Variants in BAZ1A observed in about 807,000 individuals in gnomAD.
The protein encoded by BAZ1A is bromodomain adjacent to zinc finger domain protein 1A.
A neutral mutation model predicts 185.2 loss-of-function variants in BAZ1A; 50 were observed. That is an observed-to-expected ratio of 0.27 (90% CI 0.22 to 0.34). BAZ1A has a LOEUF of 0.34. Ranked by LOEUF, BAZ1A falls within the 10% of genes least tolerant of loss-of-function variation. The pLI, the probability that BAZ1A is intolerant of heterozygous loss-of-function variation, is 1.00. For synonymous variants in BAZ1A, 571 were observed against 615.6 expected (o/e 0.93, Z 1.07); for missense variants, 1,356 against 1,839.9 (o/e 0.74, Z 4.81).
chr14:34,843,677 T>C (rs994858392), intron 3 of BAZ1A, among the ~76,000 whole-genome samples: 7 of 152,190 alleles, frequency 4.6e-5, no homozygotes, highest in Admixed American at 4.6e-4. Context: ...CATATAAATA[T>C]AGCTATTTTT....
Position 34,874,823 on chromosome 14 carries a change from G to A in BAZ1A, c.-58-161C>T, listed in dbSNP as rs909109408. ...TCGTTCCTGCCGCTGCCCGGGTGTC[G>A]AGCGAGCGGAGCCGCCGCCGCCCCT... On this transcript the variant is annotated intron_variant, in intron 1 of 26. Coordinates refer to ENST00000360310, the MANE Select transcript of BAZ1A (RefSeq NM_013448.3). The surrounding 1 kb of genome is among the most constrained non-coding windows in gnomAD (Gnocchi z 4.7). 8.7e-6 allele frequency: 4 copies of A among 458,948 alleles called. No individual in the cohort carries two copies. Among genetic ancestry groups the A allele is most frequent in the African/African-American group, 4.2e-5 (2 of 47,680 alleles). The allele number at this position is 458,948 out of a possible 1,614,324, so 28.4% of individuals were successfully genotyped here.
intron 2 of BAZ1A, among the ~76,000 whole-genome samples, chr14:34,862,807 G>A (rs2042790635): frequency 6.6e-6 from 1 of 150,640 alleles, no homozygotes; most frequent in African/African-American, 2.4e-5. Context: ...GAGGAAAAGA[G>A]AAAAAGGAAA....
In BAZ1A at chr14:34,874,267, C is replaced by G; in HGVS notation, c.113+225G>C. 2.0e-6 allele frequency: 1 copy of G among 511,512 alleles called. No homozygotes were observed. Among genetic ancestry groups the G allele is most frequent in the Non-Finnish European group, 3.5e-6 (1 of 288,200 alleles). 31.7% of individuals were successfully genotyped at this position (511,512 alleles called of 1,614,324 possible). ...CCGAGGCCGGCCAGGGACCCAGCCT[C>G]CTCCGCCACTACCAACCCGCGTTCC... On this transcript the variant is annotated intron_variant, in intron 2 of 26. Transcript: ENST00000360310. The surrounding 1 kb of genome is among the most constrained non-coding windows in gnomAD (Gnocchi z 4.7).
chr14:34,780,374 ATTGC>A (rs1439357982), intron 16 of BAZ1A, 64 bp from the exon 17 acceptor site: 30 of 1,512,970 alleles, frequency 2.0e-5, no homozygotes, highest in African/African-American at 4.2e-5. Flanking sequence ...TGAAATATTT[ATTGC>A]TTGCTTATGA....
chr14:34,855,124 C>T (rs2042656215), intron 3 of BAZ1A, among the ~76,000 whole-genome samples: 1 of 152,054 alleles, frequency 6.6e-6, no homozygotes, highest in Non-Finnish European at 1.5e-5. Context: ...TTAAGTTTAG[C>T]CTAATGCTGC....
intron 4 of BAZ1A, among the ~76,000 whole-genome samples, chr14:34,819,290 A>G (rs1234676735): frequency 6.6e-6 from 1 of 152,006 alleles, no homozygotes; most frequent in Non-Finnish European, 1.5e-5. Flanking sequence ...TCCCCCATGG[A>G]TATGGGAGCA....
At chr14:34,786,314 G>A (rs989000003) in intron 12 of BAZ1A, 93 bp from the exon 13 acceptor site, 53 of 1,175,214 alleles carry the variant, frequency 4.5e-5, no homozygotes, top group South Asian at 4.4e-5. Flanking sequence ...AACAGCAAAC[G>A]CCTTAACATT....
chr14:34,843,924 G>A (rs984647630), intron 3 of BAZ1A, among the ~76,000 whole-genome samples: 7 of 152,078 alleles, frequency 4.6e-5, no homozygotes, highest in African/African-American at 1.2e-4. Flanking sequence ...GTTTAAACAC[G>A]GCCGGGCGCG....
chr14:34,775,850 C>G, intron 18 of BAZ1A, 69 bp downstream of exon 18: 1 of 1,327,554 alleles, frequency 7.5e-7, no homozygotes, highest in East Asian at 2.3e-5. Flanking sequence ...TGCAAAAACG[C>G]TTAATCCTGA....
Position 34,866,961 on chromosome 14 carries a change from T to TA in BAZ1A, c.114-4640dup, listed in dbSNP as rs10635851. ...AAGATACTTTACTTACATTCTTCTT[T>TA]AAAAAAAAAAAAAATCCGCCGGGCA... On this transcript the variant is annotated intron_variant, in intron 2 of 26. Coordinates refer to ENST00000360310, the MANE Select transcript of BAZ1A (RefSeq NM_013448.3). Among the ~76,000 whole-genome samples the TA allele has an allele frequency of 9.3e-3, 1,371 of 148,106 alleles. 20 individuals carry two copies. Among genetic ancestry groups the TA allele is most frequent in the African/African-American group, 0.023 (940 of 40,384 alleles).
rs780287749 is a variant in BAZ1A, at chr14:34,759,171, G to GTT, written c.4244-327_4244-326dup. Among the ~76,000 whole-genome samples, 225 of 66,468 alleles carry GTT rather than the reference G, an allele frequency of 3.4e-3. 42 individuals are homozygous for GTT. Among genetic ancestry groups the GTT allele is most frequent in the East Asian group, 0.023 (37 of 1,622 alleles). The allele number at this position is 66,468 out of a possible 152,430, so 43.6% of individuals were successfully genotyped here. A position where few individuals can be genotyped will look rare whatever the true frequency, so the allele number is the denominator to read the frequency against. On this transcript the variant is annotated intron_variant, in intron 24 of 26. Transcript: ENST00000360310. ...TTATTAAAAATACTTTACAGCTACA[G>GTT]TTTTTTTTTTTTTTTTTTTTTTTTT... is the stretch of plus-strand genomic sequence containing the variant.
At chr14:34,864,586 T>C (rs1285826553) in intron 2 of BAZ1A, among the ~76,000 whole-genome samples, 1 of 151,786 alleles carries the variant, frequency 6.6e-6, no homozygotes, top group Non-Finnish European at 1.5e-5. Flanking sequence ...GTTCAAGTGA[T>C]TCTCCTGCCT....
intron 3 of BAZ1A, among the ~76,000 whole-genome samples, chr14:34,832,791 T>C (rs4982222): frequency 0.3 from 44,915 of 151,956 alleles, 6,894 homozygotes; most frequent in Admixed American, 0.39. Context: ...ACAATTATCA[T>C]ATAGCCCAGT....
chr14:34,842,149 T>C (rs2042424640), intron 3 of BAZ1A, among the ~76,000 whole-genome samples: 1 of 152,094 alleles, frequency 6.6e-6, no homozygotes, highest in Non-Finnish European at 1.5e-5. Context: ...GAATGGATTA[T>C]ATAAAATTTG....
At chr14:34,824,416 AAAAAAAAAAAAG>A (rs1161346330) in intron 4 of BAZ1A, among the ~76,000 whole-genome samples, 1 of 148,152 alleles carries the variant, frequency 6.7e-6, no homozygotes. Context: ...CTCAAAAAAA[AAAAAAAAAAAAG>A]AAGAGATGTA....
At chr14:34,861,202 C>G (rs2042764033) in intron 3 of BAZ1A, among the ~76,000 whole-genome samples, 1 of 151,842 alleles carries the variant, frequency 6.6e-6, no homozygotes, top group South Asian at 2.1e-4. Context: ...CAGTTAATAC[C>G]TAAAGTCAAG....
chr14:34,837,202 G>A (rs2042344301), intron 3 of BAZ1A, among the ~76,000 whole-genome samples: 1 of 151,602 alleles, frequency 6.6e-6, no homozygotes, highest in Non-Finnish European at 1.5e-5. Context: ...GATTCTTACT[G>A]AAGACTAAAT....
chr14:34,791,773 G>A (rs1880863414), intron 12 of BAZ1A, among the ~76,000 whole-genome samples: 1 of 152,132 alleles, frequency 6.6e-6, no homozygotes, highest in Non-Finnish European at 1.5e-5. Context: ...CTCATATATG[G>A]CAAAGCTCAA....
chr14:34,831,920 G>T (rs924498784), intron 3 of BAZ1A, among the ~76,000 whole-genome samples: 1 of 151,934 alleles, frequency 6.6e-6, no homozygotes, highest in African/African-American at 2.4e-5. Flanking sequence ...ATACTGGCTG[G>T]GTGCGACAGA....
Sources: allele counts gnomAD v4.1 joint callset (sites outside exome capture counted in the v4.1 genomes callset), GRCh38; gene constraint gnomAD v4.1.1; non-coding constraint Gnocchi (gnomAD v3.1); transcripts MANE v1.5; gene names NCBI Gene and HGNC (gene_info 2026-07-23, HGNC 2026-07-21).